Variants in SOX5 observed in about 807,000 individuals in gnomAD.
SOX5 encodes the protein SRY-box transcription factor 5, also known as transcription factor SOX-5.
SOX5 carries 9 observed loss-of-function variants against 92.0 expected under a neutral mutation model. The ratio of observed to expected loss-of-function variants is 0.10; its 90% CI spans 0.06 to 0.17. SOX5 has a LOEUF of 0.17. SOX5 is among the 10% of genes least tolerant of loss of function. The pLI, the probability that SOX5 is intolerant of heterozygous loss-of-function variation, is 1.00. For synonymous variants in SOX5, 344 were observed against 336.3 expected, an observed-to-expected ratio of 1.02 and a Z score of -0.25; for missense variants, 642 against 944.5, an observed-to-expected ratio of 0.68 and a Z score of 4.20.
At chr12:23,702,014 A>G (rs1267926502) in intron 6 of SOX5, among the ~76,000 whole-genome samples, 1 of 152,140 alleles carries the variant, frequency 6.6e-6, no homozygotes, top group Non-Finnish European at 1.5e-5. Flanking sequence ...TGCTAGGGCT[A>G]AAATATGAAG....
chr12:24,071,840 T>C (rs1941837038), intron 4 of SOX5, among the ~76,000 whole-genome samples: 1 of 152,218 alleles, frequency 6.6e-6, no homozygotes, highest in Non-Finnish European at 1.5e-5. Flanking sequence ...GAGGGGTAGA[T>C]TATGTTTTGA....
At chr12:23,987,536 C>CA (rs1443888363) in intron 4 of SOX5, among the ~76,000 whole-genome samples, 2 of 152,154 alleles carry the variant, frequency 1.3e-5, no homozygotes, top group Non-Finnish European at 2.9e-5. Context: ...TTCACCCCTA[C>CA]AATCCTAGCA....
chr12:24,505,572 G>A lies in SOX5; in HGVS notation c.-251+56757C>T, dbSNP rs568631207. Among the ~76,000 whole-genome samples the A allele has an allele frequency of 1.5e-4, 23 of 152,318 alleles. No homozygotes were observed. In the East Asian group the frequency reaches 4.2e-3, roughly 28 times the overall value. ...AAACACACCCAGAGAAAACACAGGT[G>A]CTCTGATAACAAGAAACTATTCACA... On this transcript the variant is annotated intron_variant, in intron 1 of 4. Transcript: ENST00000446891.
At chr12:23,587,374 C>G (rs1361071058) in intron 9 of SOX5, among the ~76,000 whole-genome samples, 1 of 152,012 alleles carries the variant, frequency 6.6e-6, no homozygotes, top group Non-Finnish European at 1.5e-5. Flanking sequence ...TTAAAGAAGC[C>G]TCAGACTTGA....
At chr12:23,713,894 C>G (rs1365158730) in intron 6 of SOX5, among the ~76,000 whole-genome samples, 1 of 151,194 alleles carries the variant, frequency 6.6e-6, no homozygotes, top group African/African-American at 2.4e-5. Flanking sequence ...GAGTTCAAGA[C>G]CAGCCTGGCC....
intron 3 of SOX5, among the ~76,000 whole-genome samples, chr12:23,761,050 A>T (rs2094549739): frequency 6.6e-6 from 1 of 152,090 alleles, no homozygotes; most frequent in Non-Finnish European, 1.5e-5. Context: ...AAGCTGTTTT[A>T]TTCTTGACAT....
chr12:24,001,990 A>G (rs1239489528), intron 4 of SOX5, among the ~76,000 whole-genome samples: 1 of 152,180 alleles, frequency 6.6e-6, no homozygotes, highest in Non-Finnish European at 1.5e-5. Flanking sequence ...ATAAATAAAA[A>G]GAAAGAAAAT....
chr12:24,074,035 G>A (rs1332146606), intron 4 of SOX5, among the ~76,000 whole-genome samples: 1 of 151,750 alleles, frequency 6.6e-6, no homozygotes, highest in Non-Finnish European at 1.5e-5. Context: ...CAGAGACCAT[G>A]CCTACATCCC....
At chr12:24,301,460 A>G (rs74068489) in intron 2 of SOX5, among the ~76,000 whole-genome samples, 1,690 of 152,324 alleles carry the variant, frequency 0.011, 33 homozygotes, top group African/African-American at 0.039. Flanking sequence ...ATCTTATGAT[A>G]TATTATGATA....
intron 1 of SOX5, among the ~76,000 whole-genome samples, chr12:24,463,183 G>A (rs1244420075): frequency 1.3e-5 from 2 of 151,820 alleles, no homozygotes; most frequent in Non-Finnish European, 2.9e-5. Flanking sequence ...CTCCAGCCTG[G>A]GTGACATAGT....
intron 4 of SOX5, among the ~76,000 whole-genome samples, chr12:24,085,004 T>A (rs1943798458): frequency 2.0e-5 from 3 of 152,062 alleles, no homozygotes; most frequent in Admixed American, 2.0e-4. Context: ...GTTGTTAACA[T>A]CATACTCTCA....
intron 6 of SOX5, among the ~76,000 whole-genome samples, chr12:23,677,514 T>C (rs187765061): frequency 3.9e-5 from 6 of 152,282 alleles, no homozygotes; most frequent in Admixed American, 6.5e-5. Flanking sequence ...TAGCAATACA[T>C]GAAATATGAA....
intron 2 of SOX5, among the ~76,000 whole-genome samples, chr12:24,278,862 A>G (rs1315401379): frequency 7.0e-6 from 1 of 143,182 alleles, no homozygotes; most frequent in Non-Finnish European, 1.5e-5. Context: ...TAGAAAAAAT[A>G]CCACAAACTC....
intron 3 of SOX5, among the ~76,000 whole-genome samples, chr12:23,789,184 A>G (rs1396885064): frequency 6.6e-6 from 1 of 151,988 alleles, no homozygotes; most frequent in Admixed American, 6.6e-5. Flanking sequence ...TCATAATGCA[A>G]TCAAAGATTA....
intron 1 of SOX5, among the ~76,000 whole-genome samples, chr12:24,506,948 A>G (rs946515084): frequency 4.0e-4 from 60 of 151,608 alleles, no homozygotes; most frequent in Middle Eastern, 3.4e-3. Context: ...CCGCCACTGC[A>G]CCCGGCTAAT....
At chr12:24,555,127 C>T (rs1417615793) in intron 1 of SOX5, among the ~76,000 whole-genome samples, 1 of 152,216 alleles carries the variant, frequency 6.6e-6, no homozygotes, top group Non-Finnish European at 1.5e-5. Context: ...CACTTGAGTT[C>T]AGTGCTTTGT....
chr12:24,550,335 C>T lies in SOX5; in HGVS notation c.-251+11994G>A, dbSNP rs375280062. Reference sequence around the variant, plus strand: ...CTTCATGTCATAAGAAGATAGCCACCTATGTTGTTAATTCCTGTCCTGGCT... The same window carrying T: ...CTTCATGTCATAAGAAGATAGCCACTTATGTTGTTAATTCCTGTCCTGGCT... On this transcript the variant is annotated intron_variant, in intron 1 of 4. Coordinates refer to the SOX5 transcript ENST00000446891. Among the ~76,000 whole-genome samples the T allele has an allele frequency of 1.3e-4, 20 of 152,246 alleles. No homozygotes were observed. In the South Asian group the frequency reaches 4.2e-3, roughly 32 times the overall value.
intron 9 of SOX5, among the ~76,000 whole-genome samples, chr12:23,589,226 C>G (rs1285608096): frequency 6.6e-6 from 1 of 151,614 alleles, no homozygotes; most frequent in Non-Finnish European, 1.5e-5. Context: ...AGAAAAATAA[C>G]CTTACAAAAT....
intron 1 of SOX5, among the ~76,000 whole-genome samples, chr12:24,432,709 G>A (rs1938592507): frequency 2.0e-5 from 3 of 152,092 alleles, no homozygotes; most frequent in Admixed American, 2.0e-4. Context: ...CTATTAGGAA[G>A]GCTGAGGCAG....
Sources: allele counts gnomAD v4.1 joint callset (sites outside exome capture counted in the v4.1 genomes callset), GRCh38; gene constraint gnomAD v4.1.1; transcripts MANE v1.5; gene names NCBI Gene and HGNC (gene_info 2026-07-23, HGNC 2026-07-21).